ARMH3: variants seen among roughly 807,000 people sequenced by gnomAD.
ARMH3 encodes the protein armadillo-like helical domain-containing protein 3.
Under a neutral mutation model 99.1 loss-of-function variants are expected in ARMH3, and 60 were observed. The observed-to-expected ratio is 0.61, with a 90% CI of 0.49 to 0.75. ARMH3 has a LOEUF of 0.75. Ranked by LOEUF, ARMH3 falls within the 30% of genes least tolerant of loss-of-function variation. The pLI, the probability that ARMH3 is intolerant of heterozygous loss-of-function variation, is 0.00. For missense variants in ARMH3, 679 were observed against 843.1 expected (o/e 0.81, Z 2.41); for synonymous variants, 285 against 292.8 (o/e 0.97, Z 0.27).
chr10:101,916,688 A>T (rs1226267919), intron 23 of ARMH3, among the ~76,000 whole-genome samples: 1 of 152,152 alleles, frequency 6.6e-6, no homozygotes, highest in Non-Finnish European at 1.5e-5. Context: ...ATTATTTCTG[A>T]GTGTGTTGAC....
chr10:101,942,342 C>T (rs908563837), intron 22 of ARMH3, among the ~76,000 whole-genome samples: 1 of 152,110 alleles, frequency 6.6e-6, no homozygotes, highest in African/African-American at 2.4e-5. Flanking sequence ...GGTTAATATA[C>T]AACAGTGAAA....
chr10:102,029,385 A>G (rs920417764), intron 5 of ARMH3: 1 of 1,349,576 alleles, frequency 7.4e-7, no homozygotes. Flanking sequence ...TGATCATATG[A>G]TACGAGTAAT....
chr10:102,004,248 A>G (rs886472786), intron 14 of ARMH3, among the ~76,000 whole-genome samples: 9 of 152,220 alleles, frequency 5.9e-5, no homozygotes, highest in Middle Eastern at 3.2e-3. Context: ...GAACACCACT[A>G]TAATTAAGAT....
At chr10:102,036,247 G>A (rs1420934501) in intron 2 of ARMH3, among the ~76,000 whole-genome samples, 1 of 150,444 alleles carries the variant, frequency 6.6e-6, no homozygotes, top group African/African-American at 2.5e-5. Context: ...CCCCGTCCGG[G>A]AGGGAGATGG....
At chr10:102,038,737 T>C (rs1000300491) in intron 2 of ARMH3, among the ~76,000 whole-genome samples, 22 of 151,762 alleles carry the variant, frequency 1.4e-4, no homozygotes, top group African/African-American at 4.6e-4. Context: ...CAATATATGG[T>C]CTTTTTTTTT....
At chr10:101,976,412 TCA>T (rs144097502) in intron 19 of ARMH3, among the ~76,000 whole-genome samples, 55,464 of 140,882 alleles carry the variant, frequency 0.39, 10,940 homozygotes, top group East Asian at 0.66. Flanking sequence ...TCTCTCTCTC[TCA>T]CACACACACA....
chr10:101,963,363 C>G (rs1351180809), intron 20 of ARMH3, among the ~76,000 whole-genome samples: 1 of 152,026 alleles, frequency 6.6e-6, no homozygotes, highest in African/African-American at 2.4e-5. Flanking sequence ...CATCTCCTGA[C>G]CTCGTGATCC....
At chr10:102,050,286 C>CA (rs529778281) in intron 1 of ARMH3, among the ~76,000 whole-genome samples, 221 of 151,282 alleles carry the variant, frequency 1.5e-3, no homozygotes, top group African/African-American at 5.1e-3. Context: ...ACTAAAAATA[C>CA]AAAAAAACAA....
At chr10:101,937,926 T>C (rs888011119) in intron 23 of ARMH3, among the ~76,000 whole-genome samples, 1 of 152,208 alleles carries the variant, frequency 6.6e-6, no homozygotes, top group African/African-American at 2.4e-5. Flanking sequence ...TGGCATGATC[T>C]TGGCTCACTG....
At chr10:101,884,593 C>T (rs962041189) in intron 24 of ARMH3, among the ~76,000 whole-genome samples, 25 of 152,038 alleles carry the variant, frequency 1.6e-4, no homozygotes, top group African/African-American at 5.8e-4. Context: ...GGTCAAAATG[C>T]CCTTACCTAA....
At chr10:101,967,760 A>T (rs1438877708) in intron 20 of ARMH3, among the ~76,000 whole-genome samples, 1 of 152,108 alleles carries the variant, frequency 6.6e-6, no homozygotes, top group African/African-American at 2.4e-5. Flanking sequence ...GGCGGGGAAC[A>T]ACTCTAGGTG....
intron 20 of ARMH3, among the ~76,000 whole-genome samples, chr10:101,966,745 C>T (rs1432405421): frequency 6.6e-6 from 1 of 152,074 alleles, no homozygotes; most frequent in Non-Finnish European, 1.5e-5. Flanking sequence ...AAAAAGGTAG[C>T]AGCAAATTGT....
chr10:102,036,260 G>T (rs1262679570), intron 2 of ARMH3, among the ~76,000 whole-genome samples: 1 of 150,860 alleles, frequency 6.6e-6, no homozygotes, highest in Admixed American at 6.6e-5. Flanking sequence ...GGAGATGGGG[G>T]GGCACATCCG....
chr10:101,869,411 A>AT (rs1179541588), intron 24 of ARMH3, among the ~76,000 whole-genome samples: 1 of 152,252 alleles, frequency 6.6e-6, no homozygotes, highest in East Asian at 1.9e-4. Flanking sequence ...CACACTGAGT[A>AT]TATTTTCTGA....
At chr10:102,055,322 T>TA (rs1554901266) in intron 1 of ARMH3, among the ~76,000 whole-genome samples, 18 of 150,112 alleles carry the variant, frequency 1.2e-4, no homozygotes, top group Non-Finnish European at 2.2e-4. Context: ...AATAAATAAA[T>TA]AAATAAAATA....
intron 24 of ARMH3, among the ~76,000 whole-genome samples, chr10:101,864,072 AAAAAAAACAC>A (rs1210240133): frequency 1.5e-5 from 2 of 134,642 alleles, no homozygotes; most frequent in South Asian, 4.6e-4. Context: ...AAAAAAAAAA[AAAAAAAACAC>A]ACACACACAC....
At chr10:101,886,497 G>A (rs755719568) in intron 24 of ARMH3, among the ~76,000 whole-genome samples, 9 of 152,102 alleles carry the variant, frequency 5.9e-5, no homozygotes, top group Non-Finnish European at 8.8e-5. Flanking sequence ...GTGACAGAGT[G>A]AGACTCTGTC....
intron 6 of ARMH3, 102 bp downstream of exon 6, chr10:102,025,054 G>A: frequency 1.0e-6 from 1 of 981,984 alleles, no homozygotes; most frequent in East Asian, 2.4e-5. Flanking sequence ...TACCCTCATT[G>A]AGAATATTTC....
At chr10:101,995,227 G>T in intron 16 of ARMH3, 70 bp downstream of exon 16, 1 of 1,318,148 alleles carries the variant, frequency 7.6e-7, no homozygotes, top group Non-Finnish European at 1.1e-6. Context: ...CAGTAATGGG[G>T]TGAGGGGAGG....
Sources: gnomAD v4.1 joint callset for allele counts (sites outside exome capture counted in the v4.1 genomes callset) on GRCh38, gnomAD v4.1.1 for gene constraint, MANE v1.5 for transcripts, NCBI Gene and HGNC (gene_info 2026-07-23, HGNC 2026-07-21) for gene names.